GRM4: variants seen among roughly 807,000 people sequenced by gnomAD.
GRM4 encodes glutamate metabotropic receptor 4.
In GRM4, 28 loss-of-function variants were observed where a neutral mutation model predicts 81.7. The ratio of observed to expected loss-of-function variants is 0.34; its 90% CI spans 0.25 to 0.47. The LOEUF is 0.47. Ranked by LOEUF, GRM4 falls within the 20% of genes least tolerant of loss-of-function variation. The probability of loss-of-function intolerance (pLI) is 1.00; values close to 1 mark genes in which losing one functional copy is unlikely to be tolerated. For missense variants in GRM4, 948 were observed against 1,290.0 expected (o/e 0.73, Z 4.06); for synonymous variants, 488 against 528.8 (o/e 0.92, Z 1.06).
At chr6:34,084,183 G>T (rs1767759097) in intron 3 of GRM4, among the ~76,000 whole-genome samples, 1 of 152,222 alleles carries the variant, frequency 6.6e-6, no homozygotes, top group African/African-American at 2.4e-5. Flanking sequence ...CTCAGAGGCG[G>T]GCTGCTGTAC....
chr6:34,117,275 C>T (rs937505293), intron 2 of GRM4, among the ~76,000 whole-genome samples: 11 of 152,050 alleles, frequency 7.2e-5, no homozygotes, highest in Non-Finnish European at 4.4e-5. Flanking sequence ...AGACTGGCCT[C>T]GGGGGAAATG....
At chr6:34,029,354 C>T (rs778780251) in intron 9 of GRM4, among the ~76,000 whole-genome samples, 1 of 152,210 alleles carries the variant, frequency 6.6e-6, no homozygotes, top group Non-Finnish European at 1.5e-5. Flanking sequence ...CCATGATACC[C>T]TTCATTTCTT....
intron 1 of GRM4, among the ~76,000 whole-genome samples, chr6:34,137,750 A>ATTT (rs5875495): frequency 5.2e-4 from 54 of 103,716 alleles, no homozygotes; most frequent in Admixed American, 1.2e-3. Flanking sequence ...TGCCCACATA[A>ATTT]TTTTTTTTTT....
intron 1 of GRM4, among the ~76,000 whole-genome samples, chr6:34,134,263 G>A (rs973006754): frequency 6.6e-6 from 1 of 152,186 alleles, no homozygotes; most frequent in South Asian, 2.1e-4. Flanking sequence ...GAGCAGGAGA[G>A]CATTTTGCCT....
At chr6:34,127,398 A>G (rs188692543) in intron 2 of GRM4, among the ~76,000 whole-genome samples, 404 of 152,386 alleles carry the variant, frequency 2.7e-3, no homozygotes, top group Admixed American at 7.3e-3. Context: ...TTCAAGGAGC[A>G]TAAAGAAAAC....
At chr6:34,099,565 G>A (rs1006704544) in intron 2 of GRM4, among the ~76,000 whole-genome samples, 1 of 152,136 alleles carries the variant, frequency 6.6e-6, no homozygotes, top group Non-Finnish European at 1.5e-5. Flanking sequence ...AGCACATAGA[G>A]AGGATGCCAG....
At chr6:34,051,806 A>G (rs1424633815) in intron 6 of GRM4, among the ~76,000 whole-genome samples, 2 of 152,166 alleles carry the variant, frequency 1.3e-5, no homozygotes, top group Non-Finnish European at 2.9e-5. Flanking sequence ...TGAGGGAGGT[A>G]GCACTCTGCT....
In GRM4 at chr6:34,152,892, C is replaced by T. The variant is rs1273882175; in HGVS notation, c.312+2187G>A. On this transcript the variant is annotated intron_variant, in intron 1 of 8. Transcript: ENST00000374177. This position sits in a 1 kb window ranked among gnomAD's most constrained non-coding sequence, Gnocchi z 4.1. ...GGGAAGGTGGGGCATCTCAGGAGGG[C>T]CAGGGCCTGCAGAGACCCAGGCTGG... 6.6e-6 allele frequency among the ~76,000 whole-genome samples: 1 copy of T among 152,042 alleles called. No individual in the cohort carries two copies. Among genetic ancestry groups the T allele is most frequent in the African/African-American group, 2.4e-5 (1 of 41,390 alleles).
intron 1 of GRM4, among the ~76,000 whole-genome samples, chr6:34,138,633 G>A (rs1274037046): frequency 6.6e-6 from 1 of 152,208 alleles, no homozygotes; most frequent in Admixed American, 6.5e-5. Context: ...GACAGGACAG[G>A]AATCGGGTTG....
At chr6:34,071,141 A>C (rs917599036) in intron 3 of GRM4, among the ~76,000 whole-genome samples, 1 of 151,648 alleles carries the variant, frequency 6.6e-6, no homozygotes, top group Admixed American at 6.6e-5. Flanking sequence ...TAAATCCCCA[A>C]CCTCACACAT....
intron 1 of GRM4, among the ~76,000 whole-genome samples, chr6:34,141,049 T>C (rs1256481975): frequency 6.6e-6 from 1 of 152,238 alleles, no homozygotes; most frequent in Non-Finnish European, 1.5e-5. Flanking sequence ...TTTATTTCTA[T>C]ATTTAAACCT....
At chr6:34,079,778 T>A (rs1008313156) in intron 3 of GRM4, among the ~76,000 whole-genome samples, 1 of 152,164 alleles carries the variant, frequency 6.6e-6, no homozygotes, top group Non-Finnish European at 1.5e-5. Context: ...GCAAGGCTGG[T>A]GGGCCCAGAC....
chr6:34,059,155 C>T lies in GRM4; in HGVS notation c.873-27G>A. 6.2e-7 allele frequency: 1 copy of T among 1,611,260 alleles called. No homozygotes were observed. Among genetic ancestry groups the T allele is most frequent in the Non-Finnish European group, 8.5e-7 (1 of 1,178,648 alleles). Reference sequence around the variant, plus strand: ...TGTAGGAACATACACCAGCCCAGCCCAGCCGCGTCTGTCCACGAAACTGCC... The same window carrying T: ...TGTAGGAACATACACCAGCCCAGCCTAGCCGCGTCTGTCCACGAAACTGCC... On this transcript the variant is annotated intron_variant, in intron 4 of 10. Transcript: ENST00000538487. This position sits in a 1 kb window ranked among gnomAD's most constrained non-coding sequence, Gnocchi z 5.7.
chr6:34,052,232 G>GCT lies in GRM4; in HGVS notation c.1168+4311_1168+4312insAG. On this transcript the variant is annotated intron_variant, in intron 6 of 10. Coordinates refer to ENST00000538487, the MANE Select transcript of GRM4 (RefSeq NM_000841.4). ...CTCGCTCTCTGTGTGATGACTGAGA[G>GCT]GTCTGTTCCTCTGTCCCAAGAGGAT... Among the ~76,000 whole-genome samples the GCT allele has an allele frequency of 1.3e-5, 2 of 152,324 alleles. 1 individual carries two copies. Among genetic ancestry groups the GCT allele is most frequent in the South Asian group, 4.1e-4 (2 of 4,828 alleles).
chr6:34,110,875 C>T, intron 2 of GRM4: 1 of 1,304,674 alleles, frequency 7.7e-7, no homozygotes, highest in Non-Finnish European at 9.7e-7. Context: ...GAGGAGATAG[C>T]AGGAAGTTCC....
At chr6:34,134,572 G>A (rs1034018288) in intron 1 of GRM4, among the ~76,000 whole-genome samples, 1 of 152,048 alleles carries the variant, frequency 6.6e-6, no homozygotes, top group African/African-American at 2.4e-5. Flanking sequence ...GTACTCTCCT[G>A]CTTCCACCCC....
chr6:34,132,063 C>T (rs1770260762), intron 2 of GRM4, among the ~76,000 whole-genome samples: 1 of 152,186 alleles, frequency 6.6e-6, no homozygotes, highest in Non-Finnish European at 1.5e-5. Flanking sequence ...TAATGTTTTT[C>T]TCTCTACCCG....
At chr6:34,124,505 C>A (rs1769941492) in intron 2 of GRM4, among the ~76,000 whole-genome samples, 1 of 152,216 alleles carries the variant, frequency 6.6e-6, no homozygotes. Flanking sequence ...GGAAGCCCAC[C>A]AGGGCAGGGC....
chr6:34,107,843 T>A (rs9461956), intron 2 of GRM4, among the ~76,000 whole-genome samples: 249 of 152,284 alleles, frequency 1.6e-3, no homozygotes, highest in African/African-American at 4.9e-3. Context: ...TCTATGGAGA[T>A]GGAGAGAAAT....
Sources: gnomAD v4.1 joint callset for allele counts (sites outside exome capture counted in the v4.1 genomes callset) on GRCh38, gnomAD v4.1.1 for gene constraint, Gnocchi (gnomAD v3.1) non-coding constraint, MANE v1.5 for transcripts, NCBI Gene and HGNC (gene_info 2026-07-23, HGNC 2026-07-21) for gene names.